The following PPP1CC variants were observed in gnomAD, a reference collection of about 807,000 sequenced individuals.
PPP1CC encodes protein phosphatase 1 catalytic subunit gamma.
A neutral mutation model predicts 38.4 loss-of-function variants in PPP1CC; 16 were observed. The observed-to-expected ratio is 0.42, with a 90% CI of 0.28 to 0.63. The LOEUF (loss-of-function observed/expected upper bound fraction) is 0.63. Among genes scored for constraint, PPP1CC ranks in the 30% least tolerant of loss-of-function variants. The probability of loss-of-function intolerance (pLI) is 0.25; values close to 1 mark genes in which losing one functional copy is unlikely to be tolerated. For synonymous variants in PPP1CC, 158 were observed against 136.0 expected (o/e 1.16, Z -1.13); for missense variants, 170 against 391.3 (o/e 0.43, Z 4.77).
chr12:110,717,372 T>C (rs1478717087), downstream of PPP1CC, among the ~76,000 whole-genome samples: 1 of 152,098 alleles, frequency 6.6e-6, no homozygotes, highest in Non-Finnish European at 1.5e-5. Flanking sequence ...TTCCTCAAGA[T>C]AGGAAAATGG....
chr12:110,724,020 C>T (rs1328824811), intron 4 of PPP1CC, among the ~76,000 whole-genome samples: 3 of 151,988 alleles, frequency 2.0e-5, no homozygotes, highest in Admixed American at 6.6e-5. Context: ...GGGCAGATCA[C>T]GAGGTCAGGA....
intron 4 of PPP1CC, 64 bp downstream of exon 4, chr12:110,724,596 T>A (rs924591047): frequency 4.4e-6 from 4 of 915,842 alleles, no homozygotes; most frequent in Non-Finnish European, 7.2e-6. Flanking sequence ...AACTCACAAA[T>A]GTTAAAGTGT....
In PPP1CC at chr12:110,741,028, ATAAAT is replaced by A. The variant is rs950602662; in HGVS notation, c.55+1620_55+1624del. On this transcript the variant is annotated intron_variant, in intron 1 of 6. Transcript: ENST00000335007. The stretch of plus-strand genomic sequence containing the variant: ...AGTTTCTGACCAACTGCTGCCTCGA[ATAAAT>A]TAAAGAACTATATTAACTAGTATGA... 5.9e-4 allele frequency among the ~76,000 whole-genome samples: 90 copies of A among 152,346 alleles called. 1 individual carries two copies. The highest frequency in any genetic ancestry group is 2.0e-3 in the African/African-American group (82 of 41,584).
At chr12:110,730,424 C>T in intron 3 of PPP1CC, 105 bp downstream of exon 3, 1 of 894,380 alleles carries the variant, frequency 1.1e-6, no homozygotes. Context: ...GAGATGATAC[C>T]ACTGCATCTA....
rs1482756669 is a variant in PPP1CC at position 110,720,893 on chromosome 12, G to A, written c.*183C>T. On this transcript the variant is annotated 3_prime_UTR_variant, in exon 7 of 7. Coordinates refer to ENST00000335007, the MANE Select transcript of PPP1CC (RefSeq NM_002710.4). ...AAAACAAAACACTTTTCTTTTTGGA[G>A]TGAAGAGTCTTTCATTTGCTGTTAT... is the stretch of plus-strand genomic sequence containing the variant. 2.0e-6 allele frequency: 1 copy of A among 506,820 alleles called. No homozygotes were observed. Among genetic ancestry groups the A allele is most frequent in the Non-Finnish European group, 3.5e-6 (1 of 283,808 alleles). 31.4% of individuals were successfully genotyped at this position (506,820 alleles called of 1,614,324 possible).
intron 1 of PPP1CC, among the ~76,000 whole-genome samples, chr12:110,742,041 G>T (rs1028938405): frequency 6.6e-6 from 1 of 152,036 alleles, no homozygotes; most frequent in African/African-American, 2.4e-5. Context: ...ACCTCTCCAA[G>T]ATTAGAACAA....
the PPP1CC span, among the ~76,000 whole-genome samples, chr12:110,709,966 A>AATAATAATAATAATAATAAT: frequency 7.0e-6 from 1 of 142,720 alleles, no homozygotes; most frequent in African/African-American, 2.6e-5. Context: ...TAATAATAAT[A>AATAATAATAATAATAATAAT]ATAATAATAA....
chr12:110,740,244 C>T (rs978106433), intron 1 of PPP1CC, among the ~76,000 whole-genome samples: 7 of 151,940 alleles, frequency 4.6e-5, no homozygotes, highest in African/African-American at 1.7e-4. Context: ...TTCAGATATA[C>T]TTACATCTTA....
chr12:110,726,983 G>A (rs1258648143), intron 3 of PPP1CC, among the ~76,000 whole-genome samples: 2 of 152,150 alleles, frequency 1.3e-5, no homozygotes, highest in African/African-American at 4.8e-5. Flanking sequence ...GCATCACCTA[G>A]GGGGAATGAA....
chr12:110,741,473 G>C (rs533812933), intron 1 of PPP1CC, among the ~76,000 whole-genome samples: 136 of 152,260 alleles, frequency 8.9e-4, no homozygotes, highest in Non-Finnish European at 1.6e-3. Context: ...CAAAGTCTTG[G>C]ATAAGATGTT....
At chr12:110,741,284 CT>C in intron 1 of PPP1CC, among the ~76,000 whole-genome samples, 1 of 152,098 alleles carries the variant, frequency 6.6e-6, no homozygotes, top group East Asian at 1.9e-4. Context: ...TAATAACTTA[CT>C]TTAAAAGATC....
chr12:110,738,911 T>C (rs748248430), intron 1 of PPP1CC, among the ~76,000 whole-genome samples: 2 of 152,222 alleles, frequency 1.3e-5, no homozygotes, highest in Non-Finnish European at 2.9e-5. Flanking sequence ...AGTGGGCATA[T>C]GACCAACATA....
Position 110,721,047 on chromosome 12 carries a change from G to GTCCCGACTA in PPP1CC, c.*20_*28dup. On this transcript the variant is annotated 3_prime_UTR_variant, in exon 7 of 7. Transcript: ENST00000335007. ...GAAGGTTATATACTCTATGTTACAA[G>GTCCCGACTA]TCCCGACTAGGCAGTGTCAAAACGA... 1 of 1,591,612 alleles carries GTCCCGACTA rather than the reference G, an allele frequency of 6.3e-7. No homozygotes were observed. The highest frequency in any genetic ancestry group is 1.7e-4 in the Middle Eastern group (1 of 6,038).
chr12:110,742,495 T>G (rs1217082176), intron 1 of PPP1CC, among the ~76,000 whole-genome samples, 158 bp downstream of exon 1: 1 of 152,078 alleles, frequency 6.6e-6, no homozygotes, highest in Non-Finnish European at 1.5e-5. Context: ...CTGGCCTCCC[T>G]CCGGCTGCAG....
the PPP1CC span, among the ~76,000 whole-genome samples, chr12:110,709,977 A>AAT: frequency 7.1e-6 from 1 of 141,766 alleles, no homozygotes; most frequent in African/African-American, 2.8e-5. Context: ...ATAATAATAA[A>AAT]GGAAAACAAA....
In PPP1CC at chr12:110,742,643, C is replaced by A. The variant is rs570764831; in HGVS notation, c.55+10G>T. On this transcript the variant is annotated intron_variant, in intron 1 of 6. Transcript: ENST00000335007. ...CGCCTCCCCCTTCAGCCGCCCGCCG[C>A]CCCCCTTACCTTCCAGCAGCCGTTG... 2 of 1,466,698 alleles carry A rather than the reference C, an allele frequency of 1.4e-6. No individual in the cohort carries two copies. Among genetic ancestry groups the A allele is most frequent in the East Asian group, 2.8e-5 (1 of 35,764 alleles). The allele number at this position is 1,466,698 out of a possible 1,614,324, so 90.9% of individuals were successfully genotyped here.
At chr12:110,718,743 G>A (rs116245663), downstream of PPP1CC, among the ~76,000 whole-genome samples, 14 of 152,308 alleles carry the variant, frequency 9.2e-5, no homozygotes, top group African/African-American at 3.4e-4. Flanking sequence ...GGAACACAGT[G>A]GCTCAGCATT....
chr12:110,712,533 G>A, the PPP1CC span, among the ~76,000 whole-genome samples: 1 of 150,348 alleles, frequency 6.7e-6, no homozygotes, highest in East Asian at 2.0e-4. Context: ...CCAGGTACTC[G>A]GGAGGCTGAG....
At chr12:110,732,333 G>C in intron 1 of PPP1CC, 1 of 193,988 alleles carries the variant, frequency 5.2e-6, no homozygotes. Context: ...GGAGGCGGAG[G>C]TTGCAGTGAG....
Sources: gnomAD v4.1 joint callset for allele counts (sites outside exome capture counted in the v4.1 genomes callset) on GRCh38, gnomAD v4.1.1 for gene constraint, MANE v1.5 for transcripts, NCBI Gene and HGNC (gene_info 2026-07-23, HGNC 2026-07-21) for gene names.